The following EPDR1 variants were observed in gnomAD, a reference collection of about 807,000 sequenced individuals.
EPDR1 encodes mammalian ependymin-related protein 1.
Under a neutral mutation model 23.7 loss-of-function variants are expected in EPDR1, and 27 were observed. The ratio of observed to expected loss-of-function variants is 1.14; its 90% CI spans 0.84 to 1.57. The LOEUF (loss-of-function observed/expected upper bound fraction) is 1.57, where lower values mean the gene tolerates loss of function less well. Among genes scored for constraint, EPDR1 ranks in the 40% most tolerant of loss-of-function variants. The probability of loss-of-function intolerance (pLI) is 0.00; values close to 1 mark genes in which losing one functional copy is unlikely to be tolerated. For missense variants in EPDR1, 349 were observed against 290.4 expected, an observed-to-expected ratio of 1.20 and a Z score of -1.47; for synonymous variants, 137 against 118.2, an observed-to-expected ratio of 1.16 and a Z score of -1.03.
At chr7:37,921,938 G>T (rs1233640172) in intron 1 of EPDR1, among the ~76,000 whole-genome samples, 1 of 152,156 alleles carries the variant, frequency 6.6e-6, no homozygotes, top group Non-Finnish European at 1.5e-5. Flanking sequence ...CAGGGGCAAA[G>T]CTGTAAGTTT....
rs181299333 is a variant in EPDR1 at position 37,940,346 on chromosome 7, A to G, written c.270-8494A>G. On this transcript the variant is annotated intron_variant, in intron 1 of 2. Transcript: ENST00000199448. The stretch of plus-strand genomic sequence containing the variant: ...GAAGGGGAACTTGCCTCAACGTACC[A>G]TTTTCTGTCATTTTGAGTTTTGAAA... 4.3e-4 allele frequency among the ~76,000 whole-genome samples: 65 copies of G among 152,296 alleles called. No individual in the cohort carries two copies. The East Asian group carries it at 0.012, about 27-fold the overall frequency.
At chr7:37,944,947 T>C (rs1257130197) in intron 1 of EPDR1, among the ~76,000 whole-genome samples, 1 of 152,212 alleles carries the variant, frequency 6.6e-6, no homozygotes, top group Non-Finnish European at 1.5e-5. Flanking sequence ...AAGCTAGGAA[T>C]GCCTTTCTAG....
intron 1 of EPDR1, among the ~76,000 whole-genome samples, chr7:37,922,742 G>C (rs1301091485): frequency 6.6e-6 from 1 of 151,992 alleles, no homozygotes; most frequent in Non-Finnish European, 1.5e-5. Context: ...TTCATGTTAG[G>C]CACTGTGTAT....
rs543075940 is a variant in EPDR1 at position 37,925,130 on chromosome 7, C to T, written c.269+3922C>T. On this transcript the variant is annotated intron_variant, in intron 1 of 2. Transcript: ENST00000199448. Reference sequence around the variant, plus strand: ...TATTTTCTAATTCCAACTGTCTTTTCTGACTCCTTGATTAAATTCACAAGT... The same window carrying T: ...TATTTTCTAATTCCAACTGTCTTTTTTGACTCCTTGATTAAATTCACAAGT... Among the ~76,000 whole-genome samples the T allele has an allele frequency of 1.1e-4, 16 of 152,328 alleles. No homozygotes were observed. The East Asian group carries it at 3.1e-3, about 29-fold the overall frequency.
At chr7:37,935,252 G>A (rs1000401934) in intron 1 of EPDR1, among the ~76,000 whole-genome samples, 24 of 152,112 alleles carry the variant, frequency 1.6e-4, no homozygotes, top group African/African-American at 5.3e-4. Context: ...AATGCCTGCT[G>A]GGTCTTTTAG....
intron 1 of EPDR1, among the ~76,000 whole-genome samples, chr7:37,944,762 T>C (rs2132017779): frequency 6.6e-6 from 1 of 152,288 alleles, no homozygotes; most frequent in East Asian, 1.9e-4. Flanking sequence ...CAATTCAAGA[T>C]GAGATTTAGG....
At chr7:37,929,230 T>C (rs1785881515) in intron 1 of EPDR1, among the ~76,000 whole-genome samples, 1 of 152,234 alleles carries the variant, frequency 6.6e-6, no homozygotes, top group Non-Finnish European at 1.5e-5. Flanking sequence ...CTTATGACTA[T>C]CTGGCAGAGT....
intron 1 of EPDR1, among the ~76,000 whole-genome samples, chr7:37,946,754 T>G (rs1451938201): frequency 6.6e-6 from 1 of 152,158 alleles, no homozygotes; most frequent in East Asian, 1.9e-4. Flanking sequence ...TGTGTAGGCC[T>G]GGCTAATATC....
At chr7:37,922,906 C>T (rs2131997355) in intron 1 of EPDR1, among the ~76,000 whole-genome samples, 1 of 152,208 alleles carries the variant, frequency 6.6e-6, no homozygotes, top group South Asian at 2.1e-4. Context: ...CCTGGAGGAG[C>T]TGAAATGAGA....
Position 37,948,962 on chromosome 7 carries a change from C to A in EPDR1, c.392C>A (p.Ser131Tyr), listed in dbSNP as rs774875472. 2.5e-6 allele frequency: 4 copies of A among 1,614,018 alleles called. No homozygotes were observed. The highest frequency in any genetic ancestry group is 1.6e-4 in the Middle Eastern group (1 of 6,084). ...PWDPLDIPQNSTFEDQYSIGG... is the reference protein window; with the variant it reads ...PWDPLDIPQNYTFEDQYSIGG... ...GATCCTCTTGACATTCCTCAAAACT[C>A]CACCTTTGAAGACCAGTACTCCATC... is the stretch of plus-strand genomic sequence containing the variant. Residue 131 changes from serine (S) to tyrosine (Y), a missense_variant, in exon 2 of 3, where the codon TCC (serine) becomes TAC (tyrosine). Physicochemically the swap from Ser to Tyr is moderately radical, Grantham distance 144. Transcript: ENST00000199448.
At chr7:37,943,220 T>A (rs1029142683) in intron 1 of EPDR1, among the ~76,000 whole-genome samples, 9 of 152,240 alleles carry the variant, frequency 5.9e-5, no homozygotes, top group Non-Finnish European at 1.0e-4. Flanking sequence ...AATTCCAGCA[T>A]CTCACCTTGC....
intron 1 of EPDR1, among the ~76,000 whole-genome samples, chr7:37,944,243 A>T (rs941682567): frequency 6.6e-6 from 1 of 152,148 alleles, no homozygotes; most frequent in Non-Finnish European, 1.5e-5. Flanking sequence ...TCATTCTTTA[A>T]TCCTATTCCA....
At chr7:37,931,806 C>T (rs1262840402) in intron 1 of EPDR1, among the ~76,000 whole-genome samples, 5 of 152,152 alleles carry the variant, frequency 3.3e-5, no homozygotes, top group East Asian at 1.9e-4. Flanking sequence ...TCAAGTGATT[C>T]TCCTGCCTTA....
At position 37,921,186 on chromosome 7, in the gene EPDR1, A is replaced by G; in HGVS notation, c.247A>G (p.Lys83Glu). ...NQRVRVLDER[K>E]ALIPCKRLFE... is the part of the protein sequence containing the mutation. Reference sequence around the variant, plus strand: ...GCGCGTGCGGGTGCTGGACGAGAGGAAGGCGCTGATCCCCTGCAAGAGGTA... The same window carrying G: ...GCGCGTGCGGGTGCTGGACGAGAGGGAGGCGCTGATCCCCTGCAAGAGGTA... Residue 83 changes from lysine (K) to glutamate (E), a missense_variant, in exon 1 of 3, where the codon AAG (lysine) becomes GAG (glutamate). Coordinates refer to ENST00000199448, the MANE Select transcript of EPDR1 (RefSeq NM_017549.5). The G allele has an allele frequency of 6.3e-7, 1 of 1,590,982 alleles. No homozygotes were observed. The highest frequency in any genetic ancestry group is 8.5e-7 in the Non-Finnish European group (1 of 1,177,026).
chr7:37,928,042 A>C (rs1444167090), intron 1 of EPDR1, among the ~76,000 whole-genome samples: 2 of 152,228 alleles, frequency 1.3e-5, no homozygotes, highest in Non-Finnish European at 2.9e-5. Context: ...TCAGACAATT[A>C]ATGCTGAGAT....
At chr7:37,933,678 G>T (rs1394909738) in intron 1 of EPDR1, among the ~76,000 whole-genome samples, 4 of 152,172 alleles carry the variant, frequency 2.6e-5, no homozygotes, top group African/African-American at 4.8e-5. Flanking sequence ...CCCAGGCCAA[G>T]CTCCGGTATT....
chr7:37,934,077 C>T (rs776491426), intron 1 of EPDR1, among the ~76,000 whole-genome samples: 13 of 151,554 alleles, frequency 8.6e-5, no homozygotes, highest in African/African-American at 1.7e-4. Flanking sequence ...CCCGGGTTCA[C>T]GCCATTCTCC....
rs942171991 is a variant in EPDR1, at chr7:37,930,119, G to A, written c.269+8911G>A. Among the ~76,000 whole-genome samples, 15 of 152,190 alleles carry A rather than the reference G, an allele frequency of 9.9e-5. 1 individual carries two copies. Among genetic ancestry groups the A allele is most frequent in the South Asian group, 2.1e-4 (1 of 4,826 alleles). On this transcript the variant is annotated intron_variant, in intron 1 of 2. Transcript: ENST00000199448. ...TACATGCCTTGGATGACTCCTGCCC[G>A]CTCACAGAAGGCTGCTTTTGTTGTG... is the stretch of plus-strand genomic sequence containing the variant.
In EPDR1 at chr7:37,930,620, C is replaced by A. The variant is rs151192069; in HGVS notation, c.269+9412C>A. ...TCTCATCCTAGCCCAGCTTCAGGCACGGCCTGGCTTACCCTTGGACCCCAG... is the reference window on the plus strand; with the variant it reads ...TCTCATCCTAGCCCAGCTTCAGGCAAGGCCTGGCTTACCCTTGGACCCCAG... On this transcript the variant is annotated intron_variant, in intron 1 of 2. Transcript: ENST00000199448. Among the ~76,000 whole-genome samples the A allele has an allele frequency of 2.2e-3, 328 of 152,304 alleles. 2 individuals are homozygous for A. The highest frequency in any genetic ancestry group is 7.6e-3 in the African/African-American group (314 of 41,554).
Sources: gnomAD v4.1 joint callset for allele counts (sites outside exome capture counted in the v4.1 genomes callset) on GRCh38, gnomAD v4.1.1 for gene constraint, MANE v1.5 for transcripts, NCBI Gene and HGNC (gene_info 2026-07-23, HGNC 2026-07-21) for gene names.